CLCN7: variants seen among roughly 807,000 people sequenced by gnomAD.
The protein encoded by CLCN7 is H(+)/Cl(-) exchange transporter 7.
Under a neutral mutation model 102.1 loss-of-function variants are expected in CLCN7, and 60 were observed. That is an observed-to-expected ratio of 0.59 (90% CI 0.48 to 0.73). The LOEUF is 0.73. Among genes scored for constraint, CLCN7 ranks in the 30% least tolerant of loss-of-function variants. CLCN7 has a pLI of 0.00. For missense variants in CLCN7, 962 were observed against 1,125.7 expected, an observed-to-expected ratio of 0.85 and a Z score of 2.08; for synonymous variants, 560 against 490.5, an observed-to-expected ratio of 1.14 and a Z score of -1.87.
chr16:1,457,651 C>G lies in CLCN7; in HGVS notation c.738+43G>C, dbSNP rs369250721. 1.9e-6 allele frequency: 3 copies of G among 1,603,528 alleles called. No homozygotes were observed. Among genetic ancestry groups the G allele is most frequent in the Non-Finnish European group, 2.6e-6 (3 of 1,172,544 alleles). ...GGCGTGGCGGCCCTCGCGGGCCCGG[C>G]GGCCTCAGGCTCCAGCTGGAGTGGC... On this transcript the variant is annotated intron_variant, in intron 8 of 24. Coordinates refer to ENST00000382745, the MANE Select transcript of CLCN7 (RefSeq NM_001287.6). This position sits in a 1 kb window ranked among gnomAD's most constrained non-coding sequence, Gnocchi z 5.4.
Position 1,446,432 on chromosome 16 carries a change from G to A in CLCN7, c.*199C>T, listed in dbSNP as rs1211759786. Reference sequence around the variant, plus strand: ...GGGCCTGCGCAAGGAGGCGCCAAGGGGGGAGACCACTGCCCACAACAGGGT... The same window carrying A: ...GGGCCTGCGCAAGGAGGCGCCAAGGAGGGAGACCACTGCCCACAACAGGGT... On this transcript the variant is annotated 3_prime_UTR_variant, in exon 25 of 25. Coordinates refer to ENST00000382745, the MANE Select transcript of CLCN7 (RefSeq NM_001287.6). 1 of 703,934 alleles carries A rather than the reference G, an allele frequency of 1.4e-6. No homozygotes were observed. Among genetic ancestry groups the A allele is most frequent in the Admixed American group, 2.0e-5 (1 of 50,000 alleles). 43.6% of individuals were successfully genotyped at this position (703,934 alleles called of 1,614,324 possible).
intron 15 of CLCN7, chr16:1,451,962 C>A: frequency 2.0e-6 from 1 of 508,430 alleles, no homozygotes; most frequent in Non-Finnish European, 3.7e-6. Context: ...GGGGCCGTGT[C>A]TAGCCCTGGG....
chr16:1,447,507 CG>C lies in CLCN7; in HGVS notation c.2134del (p.Arg712GlufsTer30), dbSNP rs2038668989. ...GGGTGGGAAGCGCGGGTAGGCGTCT[CG>C]GAAGTCCTTCAGCCTCAGGCGCCGC... is the stretch of plus-strand genomic sequence containing the variant. ...VQRRLRLKDFRDAYPRFPPIQ... is the reference protein window; with the variant it reads ...VQRRLRLKDFXDAYPRFPPIQ... On this transcript the variant is annotated frameshift_variant, in exon 23 of 25. Transcript: ENST00000382745. LOFTEE classifies it high-confidence loss of function. The C allele has an allele frequency of 6.4e-7, 1 of 1,554,818 alleles. No individual in the cohort carries two copies. The highest frequency in any genetic ancestry group is 8.7e-7 in the Non-Finnish European group (1 of 1,149,504).
chr16:1,470,243 C>T (rs934078964), intron 1 of CLCN7, among the ~76,000 whole-genome samples: 15 of 152,334 alleles, frequency 9.8e-5, no homozygotes, highest in Admixed American at 7.8e-4. Flanking sequence ...ATAATCCTTC[C>T]GCCTTGGCCT....
chr16:1,447,618 C>A lies in CLCN7; in HGVS notation c.2073+37G>T, dbSNP rs772062131. Reference sequence around the variant, plus strand: ...AGGCACCCAGGCAGCACCCCCGGGGCCCCCACCCGCCCAATGGCCCGGAGC... The same window carrying A: ...AGGCACCCAGGCAGCACCCCCGGGGACCCCACCCGCCCAATGGCCCGGAGC... On this transcript the variant is annotated intron_variant, in intron 22 of 24. Coordinates refer to ENST00000382745, the MANE Select transcript of CLCN7 (RefSeq NM_001287.6). 3.2e-6 allele frequency: 5 copies of A among 1,551,608 alleles called. No homozygotes were observed. In the South Asian group the frequency reaches 5.9e-5, roughly 18 times the overall value.
intron 1 of CLCN7, among the ~76,000 whole-genome samples, chr16:1,469,039 GAA>G (rs58295150): frequency 6.7e-4 from 79 of 118,606 alleles, no homozygotes; most frequent in African/African-American, 9.8e-4. Context: ...TAAAAAAAAC[GAA>G]AAAAAAAAAA....
At chr16:1,460,646 C>T (rs2038920383) in intron 5 of CLCN7, 119 bp from the exon 6 acceptor site, 2 of 1,272,274 alleles carry the variant, frequency 1.6e-6, no homozygotes, top group African/African-American at 2.9e-5. Flanking sequence ...CCATGATGTT[C>T]ACTGGACATC....
intron 2 of CLCN7, among the ~76,000 whole-genome samples, chr16:1,463,404 C>T (rs1021387160): frequency 1.3e-5 from 2 of 152,054 alleles, no homozygotes; most frequent in African/African-American, 4.8e-5. Flanking sequence ...GAAGCTGAAA[C>T]GGGAGGATTG....
Position 1,451,666 on chromosome 16 carries a change from G to T in CLCN7, c.1404C>A (p.Asn468Lys). The T allele has an allele frequency of 6.2e-7, 1 of 1,612,828 alleles. No individual in the cohort carries two copies. The highest frequency in any genetic ancestry group is 8.5e-7 in the Non-Finnish European group (1 of 1,179,962). ...GGCTCACCACGCTCTTCTCCGGGGTGTTGAAGAAGGCCGCAGCCATGGAGT... is the reference window on the plus strand; with the variant it reads ...GGCTCACCACGCTCTTCTCCGGGGTTTTGAAGAAGGCCGCAGCCATGGAGT... Reference protein sequence around the residue: ...EYNSMAAAFFNTPEKSVVSLF... With the variant: ...EYNSMAAAFFKTPEKSVVSLF... The change falls in exon 16 of 25, where the codon AAC becomes AAA. Residue 468 changes from asparagine to lysine, a missense_variant. Physicochemically the swap from Asn to Lys is moderately conservative, Grantham distance 94. Coordinates refer to ENST00000382745, the MANE Select transcript of CLCN7 (RefSeq NM_001287.6).
chr16:1,448,434 C>G lies in CLCN7; in HGVS notation c.1934G>C (p.Gly645Ala). Residue 645 changes from glycine to alanine, a missense_variant, in exon 21 of 25, where the codon GGC (glycine) becomes GCC (alanine). Gly to Ala is a moderately conservative substitution (Grantham distance 60, BLOSUM62 0). This residue lies in a region of CLCN7 where 799 missense variants were observed against 988.0 expected (regional missense o/e 0.81). Coordinates refer to ENST00000382745, the MANE Select transcript of CLCN7 (RefSeq NM_001287.6). The part of the protein sequence containing the change: ...VTCLRRREKV[G>A]VIVDVLSDTA... Reference sequence around the variant, plus strand: ...GTCGCTCAGCACGTCCACAATGACGCCGACCTTCTCACGCCGCCTCAGGCA... The same window carrying G: ...GTCGCTCAGCACGTCCACAATGACGGCGACCTTCTCACGCCGCCTCAGGCA... The G allele has an allele frequency of 1.2e-6, 2 of 1,612,316 alleles. No individual in the cohort carries two copies. Among genetic ancestry groups the G allele is most frequent in the Non-Finnish European group, 1.7e-6 (2 of 1,179,954 alleles).
At position 1,461,671 on chromosome 16, in the gene CLCN7, T is replaced by C. The variant is rs1054772658; in HGVS notation, c.217A>G (p.Met73Val). 3.7e-6 allele frequency: 6 copies of C among 1,613,448 alleles called. No homozygotes were observed. The African/African-American group carries it at 5.3e-5, about 14-fold the overall frequency. Reference protein sequence around the residue: ...ELDDELLDPDMDPPHPFPKEI... With the variant: ...ELDDELLDPDVDPPHPFPKEI... ...TTGGGGAAGGGATGTGGAGGGTCCA[T>C]ATCCTGTGGCAGAAAAAGGCAAAGA... The change falls in exon 3 of 25, where the codon ATG becomes GTG. Residue 73 changes from methionine (M) to valine (V), a missense_variant. Met to Val is a conservative substitution (Grantham distance 21, BLOSUM62 1). Coordinates refer to ENST00000382745, the MANE Select transcript of CLCN7 (RefSeq NM_001287.6).
chr16:1,454,707 G>A (rs1002545047), intron 12 of CLCN7, among the ~76,000 whole-genome samples: 1 of 152,218 alleles, frequency 6.6e-6, no homozygotes, highest in African/African-American at 2.4e-5. Context: ...AGCACCCGGG[G>A]CGGGGAGGGC....
At chr16:1,454,268 T>C (rs934984904) in intron 13 of CLCN7, 143 bp downstream of exon 13, 25 of 792,374 alleles carry the variant, frequency 3.2e-5, no homozygotes, top group African/African-American at 1.2e-4. Context: ...GTACTGCCCA[T>C]GGAAGAATCT....
Position 1,449,257 on chromosome 16 carries a change from G to C in CLCN7, c.1669+19C>G. On this transcript the variant is annotated intron_variant, in intron 18 of 24. Transcript: ENST00000382745. ...ACCCCGTGGAGCTCCCCACCCATCG[G>C]GCAAGAGCTGGGACATACCCAGCTG... is the stretch of plus-strand genomic sequence containing the variant. 6.3e-7 allele frequency: 1 copy of C among 1,578,644 alleles called. No individual in the cohort carries two copies. The highest frequency in any genetic ancestry group is 8.6e-7 in the Non-Finnish European group (1 of 1,162,880).
chr16:1,473,838 C>T (rs1180083829), intron 1 of CLCN7, among the ~76,000 whole-genome samples: 2 of 151,970 alleles, frequency 1.3e-5, no homozygotes, highest in South Asian at 2.1e-4. Context: ...AATCCCAGCA[C>T]TTTGGGAGGC....
chr16:1,462,365 C>CTTTTTTTT (rs59931924), intron 2 of CLCN7, among the ~76,000 whole-genome samples: 1 of 80,562 alleles, frequency 1.2e-5, no homozygotes, highest in Non-Finnish European at 2.3e-5. Flanking sequence ...CCTCATCTGT[C>CTTTTTTTT]TTTTTTTTTT....
chr16:1,463,024 G>A (rs1417457069), intron 2 of CLCN7, among the ~76,000 whole-genome samples: 3 of 152,088 alleles, frequency 2.0e-5, no homozygotes, highest in African/African-American at 2.4e-5. Flanking sequence ...ATGGTGACAT[G>A]CGCCTGAGTC....
At chr16:1,450,185 G>C in intron 17 of CLCN7, 1 of 434,352 alleles carries the variant, frequency 2.3e-6, no homozygotes, top group Non-Finnish European at 4.3e-6. Flanking sequence ...ATGGAGTCTA[G>C]AAACAGCTCT....
chr16:1,459,230 G>A (rs372330011), intron 6 of CLCN7, 43 bp from the exon 7 acceptor site: 9 of 1,561,436 alleles, frequency 5.8e-6, no homozygotes, highest in Non-Finnish European at 7.9e-6. Flanking sequence ...CGGCCAGGCT[G>A]AGACAGATGC....
Sources: gnomAD v4.1 joint callset for allele counts (sites outside exome capture counted in the v4.1 genomes callset) on GRCh38, gnomAD v4.1.1 for gene constraint, gnomAD v4.1.1 regional missense constraint, Gnocchi (gnomAD v3.1) non-coding constraint, MANE v1.5 for transcripts, NCBI Gene and HGNC (gene_info 2026-07-23, HGNC 2026-07-21) for gene names.